The following ATP13A3 variants were observed in gnomAD, a reference collection of about 807,000 sequenced individuals.
ATP13A3 encodes polyamine-transporting ATPase 13A3.
ATP13A3 carries 59 observed loss-of-function variants against 158.1 expected under a neutral mutation model. The ratio of observed to expected loss-of-function variants is 0.37; its 90% CI spans 0.30 to 0.46. ATP13A3 has a LOEUF of 0.46. Among genes scored for constraint, ATP13A3 ranks in the 20% least tolerant of loss-of-function variants. The probability of loss-of-function intolerance (pLI) is 1.00; values close to 1 mark genes in which losing one functional copy is unlikely to be tolerated. For synonymous variants in ATP13A3, 491 were observed against 504.3 expected (o/e 0.97, Z 0.35); for missense variants, 1,166 against 1,525.2 (o/e 0.76, Z 3.92).
chr3:194,446,398 C>T (rs1286036419), intron 14 of ATP13A3, among the ~76,000 whole-genome samples: 4 of 152,116 alleles, frequency 2.6e-5, no homozygotes, highest in Admixed American at 6.6e-5. Flanking sequence ...TCCCAGTCTG[C>T]GCGAGTGTGA....
intron 2 of ATP13A3, among the ~76,000 whole-genome samples, chr3:194,462,565 C>T (rs562781236): frequency 6.6e-6 from 1 of 152,348 alleles, no homozygotes; most frequent in East Asian, 1.9e-4. Context: ...CATCCCGAAA[C>T]CATCCCTCCC....
intron 33 of ATP13A3, among the ~76,000 whole-genome samples, chr3:194,409,827 A>G (rs1715226290): frequency 6.7e-6 from 1 of 149,440 alleles, no homozygotes; most frequent in Admixed American, 6.8e-5. Context: ...ATTGAGAACC[A>G]CGGCCTTATG....
rs1301758870 is a variant in ATP13A3, at chr3:194,403,330, T to C, written c.*2589A>G. The C allele has an allele frequency of 1.3e-5, 2 of 152,254 alleles. No homozygotes were observed. The highest frequency in any genetic ancestry group is 2.4e-5 in the African/African-American group (1 of 41,470). 9.4% of individuals were successfully genotyped at this position (152,254 alleles called of 1,614,324 possible). The stretch of plus-strand genomic sequence containing the variant: ...AAAAGTATTTATTCTGTTGTTGGCT[T>C]AGCCACTTGTATTCAAGCATTATTT... On this transcript the variant is annotated 3_prime_UTR_variant, in exon 34 of 34. Transcript: ENST00000645319.
chr3:194,409,170 C>A (rs185698425), intron 33 of ATP13A3, among the ~76,000 whole-genome samples: 66 of 152,226 alleles, frequency 4.3e-4, no homozygotes, highest in African/African-American at 1.5e-3. Flanking sequence ...GTCAAGTTTA[C>A]GCTTAGCAAT....
chr3:194,431,056 T>C (rs373995678), intron 23 of ATP13A3, 34 bp from the exon 24 acceptor site: 7 of 1,613,414 alleles, frequency 4.3e-6, no homozygotes, highest in African/African-American at 1.3e-5. Context: ...TTTAAAATAC[T>C]GTTGCGATGC....
chr3:194,423,184 G>A (rs1560076404), intron 30 of ATP13A3, among the ~76,000 whole-genome samples: 2 of 152,122 alleles, frequency 1.3e-5, no homozygotes, highest in Non-Finnish European at 2.9e-5. Flanking sequence ...ATGAGAAAAT[G>A]TAACTGTGAA....
At chr3:194,445,816 G>C (rs1227549440) in intron 14 of ATP13A3, among the ~76,000 whole-genome samples, 1 of 152,088 alleles carries the variant, frequency 6.6e-6, no homozygotes. Flanking sequence ...TTAATTCTCA[G>C]AAAACTTTAA....
In ATP13A3 at chr3:194,430,152, G is replaced by A. The variant is rs748299446; in HGVS notation, c.2697C>T (p.Ser899=). Residue 899 remains serine (S), a synonymous_variant, in exon 26 of 34, where the codon TCC becomes TCT. Coordinates refer to ENST00000645319, the MANE Select transcript of ATP13A3 (RefSeq NM_001367549.1). ...GALKRAHGGI[S]LSELEASVAS... ...CCACTGAAGCTTCGAGCTCCGATAA[G>A]GAAATGCCTCCGTGTGCCCTCTTCA... 5 of 1,613,970 alleles carry A rather than the reference G, an allele frequency of 3.1e-6. No individual in the cohort carries two copies. In the African/African-American group the frequency reaches 6.7e-5, roughly 22 times the overall value.
At position 194,427,254 on chromosome 3, in the gene ATP13A3, T is replaced by C; in HGVS notation, c.2948-2A>G. 3 of 1,586,896 alleles carry C rather than the reference T, an allele frequency of 1.9e-6. No homozygotes were observed. Among genetic ancestry groups the C allele is most frequent in the Non-Finnish European group, 2.6e-6 (3 of 1,172,876 alleles). On this transcript the variant is annotated splice_acceptor_variant, in intron 28 of 33. Transcript: ENST00000645319. LOFTEE classifies it high-confidence loss of function. Reference sequence around the variant, plus strand: ...CTTTCCAGGCAGGATTTAAACTCACTATATTGAAAAGAAAAAGAGGAAAGG... The same window carrying C: ...CTTTCCAGGCAGGATTTAAACTCACCATATTGAAAAGAAAAAGAGGAAAGG...
rs1401028465 is a variant in ATP13A3, at chr3:194,413,739, T to G, written c.3483+20A>C. 1 of 1,591,656 alleles carries G rather than the reference T, an allele frequency of 6.3e-7. No homozygotes were observed. The highest frequency in any genetic ancestry group is 1.7e-5 in the Admixed American group (1 of 59,990). Reference sequence around the variant, plus strand: ...AATTCCAAAGCAACATGGTAGCCATTTGACTATGGAAGTGCTTACCTCCAC... The same window carrying G: ...AATTCCAAAGCAACATGGTAGCCATGTGACTATGGAAGTGCTTACCTCCAC... On this transcript the variant is annotated intron_variant, in intron 32 of 33. Transcript: ENST00000645319.
At chr3:194,443,038 TA>T (rs11426254) in intron 15 of ATP13A3, among the ~76,000 whole-genome samples, 4,014 of 140,580 alleles carry the variant, frequency 0.029, 126 homozygotes, top group African/African-American at 0.089. Flanking sequence ...TGCTTTCACT[TA>T]AAAAAAAAAA....
Position 194,407,543 on chromosome 3 carries a change from C to T in ATP13A3, c.3574-1427G>A, listed in dbSNP as rs1560064472. 2.0e-5 allele frequency among the ~76,000 whole-genome samples: 3 copies of T among 152,220 alleles called. No individual in the cohort carries two copies. The South Asian group carries it at 6.2e-4, about 31-fold the overall frequency. ...ACCTACCACTCTCTCCCTCTCCTCC[C>T]TGGCCCCGCTGAGAGCACGGTAAAC... On this transcript the variant is annotated intron_variant, in intron 33 of 33. Coordinates refer to ENST00000645319, the MANE Select transcript of ATP13A3 (RefSeq NM_001367549.1).
chr3:194,482,076 C>CA (rs796289378), intron 2 of ATP13A3, among the ~76,000 whole-genome samples: 8 of 152,336 alleles, frequency 5.3e-5, no homozygotes, highest in African/African-American at 1.7e-4. Context: ...TCACCATCCT[C>CA]AAACAACCTT....
At chr3:194,425,895 G>A (rs1359747296) in intron 29 of ATP13A3, among the ~76,000 whole-genome samples, 1 of 152,148 alleles carries the variant, frequency 6.6e-6, no homozygotes, top group Non-Finnish European at 1.5e-5. Flanking sequence ...CACTCTCCCT[G>A]AGCCTACCTC....
At position 194,425,446 on chromosome 3, in the gene ATP13A3, T is replaced by C. The variant is rs1277976762; in HGVS notation, c.3209A>G (p.Asn1070Ser). The C allele has an allele frequency of 6.2e-7, 1 of 1,613,372 alleles. No homozygotes were observed. The highest frequency in any genetic ancestry group is 8.5e-7 in the Non-Finnish European group (1 of 1,179,456). The change falls in exon 30 of 34, where the codon AAT (asparagine) becomes AGT (serine). Residue 1070 changes from asparagine (N) to serine (S), a missense_variant. Physicochemically the swap from Asn to Ser is conservative, Grantham distance 46. Around this residue, in one of 3 missense-constraint regions of ATP13A3, gnomAD observed 997 missense variants for 1,341.2 expected, o/e 0.74. Coordinates refer to ENST00000645319, the MANE Select transcript of ATP13A3 (RefSeq NM_001367549.1). ...ETELDEHNIQ[N>S]YENTTVFFIS... ...AAAAAACACTGTGGTATTTTCATAA[T>C]TTTGTATATTATGTTCATCAAGTTC...
chr3:194,439,061 A>G (rs183206867), intron 16 of ATP13A3, 89 bp from the exon 17 acceptor site: 12 of 776,656 alleles, frequency 1.5e-5, no homozygotes, highest in African/African-American at 5.4e-5. Context: ...ATTTTTAAAT[A>G]GAACATTATG....
At chr3:194,468,835 G>A (rs1192886668) in intron 2 of ATP13A3, among the ~76,000 whole-genome samples, 1 of 152,124 alleles carries the variant, frequency 6.6e-6, no homozygotes, top group Non-Finnish European at 1.5e-5. Flanking sequence ...TTTTCCTTCA[G>A]TCAGTATTTG....
At chr3:194,413,719 C>T in intron 32 of ATP13A3, 40 bp downstream of exon 32, 1 of 1,548,750 alleles carries the variant, frequency 6.5e-7, no homozygotes, top group South Asian at 1.1e-5. Flanking sequence ...CCAAGAATTC[C>T]AAAGCAACAT....
Position 194,428,832 on chromosome 3 carries a change from G to A in ATP13A3, c.2947+13C>T. The A allele has an allele frequency of 6.4e-7, 1 of 1,560,516 alleles. No homozygotes were observed. The highest frequency in any genetic ancestry group is 8.8e-7 in the Non-Finnish European group (1 of 1,140,398). ...ATACACTTTAAAAATCAATAACAAA[G>A]CAAAATACTCACTTGTAAATACCAC... On this transcript the variant is annotated intron_variant, in intron 28 of 33. Transcript: ENST00000645319.
Sources: allele counts gnomAD v4.1 joint callset (sites outside exome capture counted in the v4.1 genomes callset), GRCh38; gene constraint gnomAD v4.1.1; regional missense constraint gnomAD v4.1.1; transcripts MANE v1.5; gene names NCBI Gene and HGNC (gene_info 2026-07-23, HGNC 2026-07-21).